The following TSPAN15 variants were observed in gnomAD, a reference collection of about 807,000 sequenced individuals.
The protein encoded by TSPAN15 is tetraspanin-15.
A neutral mutation model predicts 34.5 loss-of-function variants in TSPAN15; 20 were observed. The observed-to-expected ratio is 0.58, with a 90% confidence interval of 0.41 to 0.84. TSPAN15 has a LOEUF of 0.84. TSPAN15 is among the 40% of genes least tolerant of loss of function. The probability of loss-of-function intolerance (pLI) is 0.00; values close to 1 mark genes in which losing one functional copy is unlikely to be tolerated. For missense variants in TSPAN15, 313 were observed against 386.1 expected, an observed-to-expected ratio of 0.81 and a Z score of 1.59; for synonymous variants, 155 against 153.9, an observed-to-expected ratio of 1.01 and a Z score of -0.05.
rs1842359105 is a variant in TSPAN15, at chr10:69,507,519, T to A, written c.*541T>A. On this transcript the variant is annotated 3_prime_UTR_variant, in exon 8 of 8. Coordinates refer to ENST00000373290, the MANE Select transcript of TSPAN15 (RefSeq NM_012339.5). Reference sequence around the variant, plus strand: ...GCTGCTTCCTTGAGCCTAGTTTTTTTACGTGATTTTTGTAACATTCATTTT... The same window carrying A: ...GCTGCTTCCTTGAGCCTAGTTTTTTAACGTGATTTTTGTAACATTCATTTT... 6.9e-6 allele frequency: 9 copies of A among 1,304,226 alleles called. No individual in the cohort carries two copies. In the African/African-American group the frequency reaches 1.1e-4, roughly 15 times the overall value. 80.8% of individuals were successfully genotyped at this position (1,304,226 alleles called of 1,614,324 possible). A position where few individuals can be genotyped will look rare whatever the true frequency, so the allele number is the denominator to read the frequency against.
the TSPAN15 span, among the ~76,000 whole-genome samples, chr10:69,522,375 CAAAAAAAAAAAAA>C: frequency 2.1e-5 from 1 of 48,364 alleles, no homozygotes; most frequent in Non-Finnish European, 3.5e-5. Flanking sequence ...GACCTTGTCT[CAAAAAAAAAAAAA>C]AAAAAAAAAA....
chr10:69,465,094 C>T (rs1841355112), intron 1 of TSPAN15, among the ~76,000 whole-genome samples: 1 of 152,226 alleles, frequency 6.6e-6, no homozygotes, highest in Non-Finnish European at 1.5e-5. Flanking sequence ...CTCACTGAGT[C>T]CTAGCAGCAT....
chr10:69,487,416 G>A (rs915179224), intron 3 of TSPAN15, among the ~76,000 whole-genome samples: 7 of 151,532 alleles, frequency 4.6e-5, no homozygotes, highest in African/African-American at 1.7e-4. Context: ...CCTCTCTTCT[G>A]AGCTGGCAGA....
In TSPAN15 at chr10:69,506,263, G is replaced by A; in HGVS notation, c.735+23G>A. On this transcript the variant is annotated intron_variant, in intron 7 of 7. Transcript: ENST00000373290. The surrounding 1 kb of genome is among the most constrained non-coding windows in gnomAD (Gnocchi z 4.7). ...CAGGTGGGCAGGCCGTGGGTTCAGA[G>A]AAAGTGTGACTTGGTGATTGCAGAA... is the stretch of plus-strand genomic sequence containing the variant. The A allele has an allele frequency of 1.2e-6, 2 of 1,608,688 alleles. No homozygotes were observed. The highest frequency in any genetic ancestry group is 2.2e-5 in the South Asian group (2 of 90,924).
chr10:69,533,668 G>GA, the TSPAN15 span, among the ~76,000 whole-genome samples: 17,377 of 152,092 alleles, frequency 0.11, 1,254 homozygotes, highest in South Asian at 0.16. Flanking sequence ...TATGGAAAAA[G>GA]AAAAAATATA....
chr10:69,542,761 A>G, the TSPAN15 span, among the ~76,000 whole-genome samples: 19 of 152,326 alleles, frequency 1.2e-4, 1 homozygote, highest in African/African-American at 3.6e-4. Flanking sequence ...TCATGATTCA[A>G]TTACCTCCCA....
chr10:69,456,119 G>T (rs1418745462), intron 1 of TSPAN15, among the ~76,000 whole-genome samples: 3 of 148,946 alleles, frequency 2.0e-5, no homozygotes, highest in East Asian at 3.9e-4. Context: ...ACAGAGCCTC[G>T]CTCTTTCACC....
the TSPAN15 span, among the ~76,000 whole-genome samples, chr10:69,542,035 C>G: frequency 6.6e-6 from 1 of 152,194 alleles, no homozygotes; most frequent in South Asian, 2.1e-4. Context: ...TCTTTTCTAT[C>G]GCATTGCCAG....
chr10:69,497,983 G>C (rs1018456293), intron 4 of TSPAN15, among the ~76,000 whole-genome samples: 15 of 152,160 alleles, frequency 9.9e-5, no homozygotes, highest in Non-Finnish European at 2.9e-5. Context: ...GATGAAGAAA[G>C]TGGAGGCCAG....
chr10:69,491,466 G>A (rs368851223), intron 3 of TSPAN15, among the ~76,000 whole-genome samples: 2 of 152,128 alleles, frequency 1.3e-5, no homozygotes, highest in South Asian at 4.1e-4. Flanking sequence ...AGGCTCAAGC[G>A]ATCCTCCCAC....
chr10:69,522,424 C>T, the TSPAN15 span, among the ~76,000 whole-genome samples: 1 of 137,084 alleles, frequency 7.3e-6, no homozygotes. Flanking sequence ...AGTCTTTTAT[C>T]CATTTTTGAA....
rs1430193136 is a variant in TSPAN15, at chr10:69,483,753, A to C, written c.159A>C (p.Lys53Asn). 1 of 1,613,980 alleles carries C rather than the reference A, an allele frequency of 6.2e-7. No individual in the cohort carries two copies. Among genetic ancestry groups the C allele is most frequent in the African/African-American group, 1.3e-5 (1 of 74,886 alleles). ...IYAEVERQKY[K>N]TLESAFLAPA... ...CAGAGGTTGAGCGGCAGAAATATAA[A>C]ACCCTTGAAAGTGCCTTCCTGGCTC... is the stretch of plus-strand genomic sequence containing the variant. The change falls in exon 2 of 8, where the codon AAA (lysine) becomes AAC (asparagine). Residue 53 changes from lysine to asparagine, a missense_variant. Lys to Asn is a moderately conservative substitution (Grantham distance 94, BLOSUM62 0). Transcript: ENST00000373290.
At chr10:69,541,754 G>T in the TSPAN15 span, among the ~76,000 whole-genome samples, 1 of 152,256 alleles carries the variant, frequency 6.6e-6, no homozygotes, top group East Asian at 1.9e-4. Context: ...AGCTGCCAAA[G>T]CTTGGGGCTT....
intron 3 of TSPAN15, chr10:69,494,608 G>T: frequency 9.2e-6 from 9 of 980,806 alleles, no homozygotes; most frequent in Non-Finnish European, 1.1e-5. Context: ...TAGGCCTACG[G>T]GTTTGGTTCA....
the TSPAN15 span, among the ~76,000 whole-genome samples, chr10:69,544,934 C>T: frequency 6.6e-6 from 1 of 152,176 alleles, no homozygotes; most frequent in African/African-American, 2.4e-5. Flanking sequence ...ACAGCGCGCC[C>T]CTTTGTGGCT....
the TSPAN15 span, among the ~76,000 whole-genome samples, chr10:69,542,479 G>A: frequency 1.3e-5 from 2 of 152,128 alleles, no homozygotes; most frequent in African/African-American, 2.4e-5. Context: ...GTATTAGTTT[G>A]TTCTCATGCT....
At chr10:69,518,317 G>A in the TSPAN15 span, among the ~76,000 whole-genome samples, 1 of 152,228 alleles carries the variant, frequency 6.6e-6, no homozygotes, top group African/African-American at 2.4e-5. Flanking sequence ...CAAGGGTCAC[G>A]GGTGTCTCAC....
chr10:69,532,646 A>G, the TSPAN15 span, among the ~76,000 whole-genome samples: 5 of 152,250 alleles, frequency 3.3e-5, no homozygotes, highest in African/African-American at 1.2e-4. Context: ...CAAGAACCCA[A>G]AAGCAAATGC....
intron 6 of TSPAN15, 56 bp downstream of exon 6, chr10:69,504,541 G>A: frequency 1.3e-6 from 2 of 1,586,906 alleles, no homozygotes; most frequent in Non-Finnish European, 1.7e-6. Flanking sequence ...GTCCACCCTG[G>A]GGTGATCGGA....
Sources: gnomAD v4.1 joint callset for allele counts (sites outside exome capture counted in the v4.1 genomes callset) on GRCh38, gnomAD v4.1.1 for gene constraint, Gnocchi (gnomAD v3.1) non-coding constraint, MANE v1.5 for transcripts, NCBI Gene and HGNC (gene_info 2026-07-23, HGNC 2026-07-21) for gene names.